The following SYNPR variants were observed in gnomAD, a reference collection of about 807,000 sequenced individuals.
The protein encoded by SYNPR is synaptoporin.
SYNPR carries 23 observed loss-of-function variants against 32.9 expected under a neutral mutation model. The observed-to-expected ratio is 0.70, with a 90% CI of 0.50 to 0.99. The LOEUF is 0.99. SYNPR is among the 50% of genes least tolerant of loss of function. SYNPR has a pLI of 0.00. For missense variants in SYNPR, 318 were observed against 349.3 expected, an observed-to-expected ratio of 0.91 and a Z score of 0.71; for synonymous variants, 146 against 135.9, an observed-to-expected ratio of 1.07 and a Z score of -0.52.
chr3:63,385,683 C>G (rs2088029888), intron 2 of SYNPR, among the ~76,000 whole-genome samples: 1 of 152,152 alleles, frequency 6.6e-6, no homozygotes, highest in Non-Finnish European at 1.5e-5. Flanking sequence ...TTTTCCAGTA[C>G]TAACTAGAAA....
chr3:63,593,494 ATCT>A (rs1474147010), intron 4 of SYNPR, among the ~76,000 whole-genome samples: 1 of 152,194 alleles, frequency 6.6e-6, no homozygotes, highest in African/African-American at 2.4e-5. Context: ...GGATCTAAAA[ATCT>A]TCTTTTCACA....
chr3:63,302,616 T>G (rs2086868512), intron 2 of SYNPR, among the ~76,000 whole-genome samples: 1 of 152,020 alleles, frequency 6.6e-6, no homozygotes, highest in African/African-American at 2.4e-5. Context: ...TTTATTAAAA[T>G]TTTTACATAT....
At chr3:63,269,915 T>A (rs2086520408) in intron 3 of SYNPR, among the ~76,000 whole-genome samples, 2 of 152,230 alleles carry the variant, frequency 1.3e-5, no homozygotes, top group African/African-American at 4.8e-5. Context: ...GTGCCAGATT[T>A]CTTATGGGAG....
At chr3:63,551,341 C>T (rs1702496639) in intron 3 of SYNPR, among the ~76,000 whole-genome samples, 1 of 152,124 alleles carries the variant, frequency 6.6e-6, no homozygotes, top group Non-Finnish European at 1.5e-5. Flanking sequence ...AGTTGTTTCT[C>T]CTGTTTGGCT....
At chr3:63,475,526 C>A (rs747038654) in intron 2 of SYNPR, among the ~76,000 whole-genome samples, 12 of 152,062 alleles carry the variant, frequency 7.9e-5, no homozygotes, top group Non-Finnish European at 1.3e-4. Context: ...AGCTAGTGCA[C>A]CACATTAACA....
chr3:63,574,756 G>A (rs1243950131), intron 4 of SYNPR, among the ~76,000 whole-genome samples: 1 of 152,066 alleles, frequency 6.6e-6, no homozygotes. Flanking sequence ...TCAATACATA[G>A]TGTTGAATGA....
chr3:63,589,581 G>A (rs1211078121), intron 4 of SYNPR, among the ~76,000 whole-genome samples: 6 of 150,808 alleles, frequency 4.0e-5, no homozygotes, highest in Non-Finnish European at 8.9e-5. Context: ...ACCGAATCCA[G>A]CAGCACATCA....
chr3:63,488,298 T>A (rs1701194644), intron 3 of SYNPR, among the ~76,000 whole-genome samples: 1 of 152,216 alleles, frequency 6.6e-6, no homozygotes, highest in Non-Finnish European at 1.5e-5. Flanking sequence ...TTGCCTAAAA[T>A]TTCAGAAACT....
chr3:63,356,241 G>A (rs969480353), intron 2 of SYNPR, among the ~76,000 whole-genome samples: 2 of 152,210 alleles, frequency 1.3e-5, no homozygotes, highest in African/African-American at 4.8e-5. Flanking sequence ...TACCTGGGGT[G>A]AGGAAGCTTG....
chr3:63,492,071 A>G (rs11130934), intron 3 of SYNPR, among the ~76,000 whole-genome samples: 90,405 of 151,898 alleles, frequency 0.6, 27,062 homozygotes, highest in African/African-American at 0.64. Context: ...CAAGGAAGAG[A>G]TGCAGCTACT....
intron 2 of SYNPR, among the ~76,000 whole-genome samples, chr3:63,390,416 G>C (rs1444622618): frequency 6.6e-6 from 1 of 152,150 alleles, no homozygotes; most frequent in Non-Finnish European, 1.5e-5. Flanking sequence ...AGATAAATGA[G>C]AGTGTACACC....
chr3:63,498,112 C>G (rs968073589), intron 3 of SYNPR, among the ~76,000 whole-genome samples: 9 of 152,136 alleles, frequency 5.9e-5, no homozygotes, highest in African/African-American at 2.2e-4. Context: ...CCATCTGTGT[C>G]AAGTGTGTAA....
At chr3:63,473,684 A>T (rs1160918999) in intron 2 of SYNPR, among the ~76,000 whole-genome samples, 2 of 152,182 alleles carry the variant, frequency 1.3e-5, no homozygotes. Flanking sequence ...TTCCTCCTTA[A>T]AAAAGAAAAG....
intron 2 of SYNPR, among the ~76,000 whole-genome samples, chr3:63,322,608 T>C (rs544008161): frequency 1.3e-5 from 2 of 152,232 alleles, no homozygotes; most frequent in African/African-American, 4.8e-5. Context: ...TCTTTAATGC[T>C]CACAATGATT....
intron 4 of SYNPR, among the ~76,000 whole-genome samples, chr3:63,588,810 T>C (rs1297152117): frequency 2.0e-5 from 3 of 152,060 alleles, no homozygotes; most frequent in South Asian, 4.1e-4. Context: ...TAACATTTAA[T>C]TGTGTGAACT....
At chr3:63,207,736 C>T in the SYNPR span, among the ~76,000 whole-genome samples, 8 of 152,076 alleles carry the variant, frequency 5.3e-5, no homozygotes, top group African/African-American at 1.9e-4. Context: ...TTTCTAACCC[C>T]AATAACAGAA....
intron 2 of SYNPR, 60 bp downstream of exon 2, chr3:63,278,802 G>A (rs2086601185): frequency 1.3e-6 from 2 of 1,513,260 alleles, no homozygotes; most frequent in East Asian, 4.9e-5. Context: ...GGTGAGGAGA[G>A]GTCGGATGGG....
At chr3:63,230,861 G>A (rs775766132) in intron 1 of SYNPR, among the ~76,000 whole-genome samples, 12 of 152,078 alleles carry the variant, frequency 7.9e-5, no homozygotes, top group Non-Finnish European at 1.6e-4. Flanking sequence ...TATTATAACT[G>A]TAAGTCTGGC....
At chr3:63,302,577 T>A (rs1213348948) in intron 2 of SYNPR, among the ~76,000 whole-genome samples, 2 of 152,064 alleles carry the variant, frequency 1.3e-5, no homozygotes, top group African/African-American at 4.8e-5. Flanking sequence ...AGGCATATGA[T>A]ATATCACAGT....
Sources: allele counts gnomAD v4.1 joint callset (sites outside exome capture counted in the v4.1 genomes callset), GRCh38; gene constraint gnomAD v4.1.1; transcripts MANE v1.5; gene names NCBI Gene and HGNC (gene_info 2026-07-23, HGNC 2026-07-21).